The following ZC3H14 variants were observed in gnomAD, a reference collection of about 807,000 sequenced individuals.
The protein encoded by ZC3H14 is zinc finger CCCH domain-containing protein 14.
A neutral mutation model predicts 92.4 loss-of-function variants in ZC3H14; 31 were observed. The observed-to-expected ratio is 0.34, with a 90% CI of 0.25 to 0.45. The LOEUF (loss-of-function observed/expected upper bound fraction) is 0.45. ZC3H14 is among the 20% of genes least tolerant of loss of function. The pLI is 1.00. For missense variants in ZC3H14, 781 were observed against 897.3 expected, an observed-to-expected ratio of 0.87 and a Z score of 1.66; for synonymous variants, 321 against 300.9, an observed-to-expected ratio of 1.07 and a Z score of -0.69.
At position 88,623,607 on chromosome 14, in the gene ZC3H14, T is replaced by G. The variant is rs1304313200; in HGVS notation, c.*11856T>G. ...TTTTGTATTTTTAGTAGAGATGGAG[T>G]TTCACCATATTGGCCAGGCTGATCC... is the stretch of plus-strand genomic sequence containing the variant. On this transcript the variant is annotated 3_prime_UTR_variant, in exon 17 of 17. Transcript: ENST00000251038. 6.6e-6 allele frequency: 1 copy of G among 151,720 alleles called. No homozygotes were observed. Among genetic ancestry groups the G allele is most frequent in the Non-Finnish European group, 1.5e-5 (1 of 67,966 alleles). The allele number at this position is 151,720 out of a possible 1,614,324, so 9.4% of individuals were successfully genotyped here.
intron 4 of ZC3H14, 81 bp from the exon 5 acceptor site, chr14:88,571,949 C>A: frequency 8.5e-7 from 1 of 1,177,662 alleles, no homozygotes; most frequent in Non-Finnish European, 1.1e-6. Flanking sequence ...GGCGACAGAG[C>A]GAGACTCCAT....
rs74354260 is a variant in ZC3H14 at position 88,609,124 on chromosome 14, A to C, written c.1869-143A>C. The C allele has an allele frequency of 1.7e-3, 1,724 of 990,700 alleles. 8 individuals are homozygous for C. In the African/African-American group the frequency reaches 0.026, roughly 15 times the overall value. The allele number at this position is 990,700 out of a possible 1,614,324, so 61.4% of individuals were successfully genotyped here. A position where few individuals can be genotyped will look rare whatever the true frequency, so the allele number is the denominator to read the frequency against. On this transcript the variant is annotated intron_variant, in intron 13 of 16. Coordinates refer to ENST00000251038, the MANE Select transcript of ZC3H14 (RefSeq NM_024824.5). Reference sequence around the variant, plus strand: ...GTGTCCTATTTTGATATATGGTCTTATTTTAAAATATTCTTTTTGTTGCTG... The same window carrying C: ...GTGTCCTATTTTGATATATGGTCTTCTTTTAAAATATTCTTTTTGTTGCTG...
At chr14:88,595,095 T>C (rs781431978) in intron 9 of ZC3H14, 1 of 1,611,366 alleles carries the variant, frequency 6.2e-7, no homozygotes, top group East Asian at 2.2e-5. Flanking sequence ...TCGGCTTCCT[T>C]AGAAACGTTG....
rs2080945344 is a variant in ZC3H14 at position 88,574,785 on chromosome 14, T to A, written c.954T>A (p.Asp318Glu). 1 of 1,614,158 alleles carries A rather than the reference T, an allele frequency of 6.2e-7. No homozygotes were observed. Among genetic ancestry groups the A allele is most frequent in the South Asian group, 1.1e-5 (1 of 91,080 alleles). ...ATGATGGAGAAGAGGAGGAAGAAGA[T>A]GATGATTACGGGTCTCGAACAGGAA... Reference protein sequence around the residue: ...FNHDGEEEEEDDDYGSRTGSI... With the variant: ...FNHDGEEEEEEDDYGSRTGSI... The change falls in exon 7 of 17, where the codon GAT becomes GAA. Residue 318 changes from aspartate (D) to glutamate (E), a missense_variant. Transcript: ENST00000251038.
rs1330747911 is a variant in ZC3H14 at position 88,616,485 on chromosome 14, A to C, written c.*4734A>C. On this transcript the variant is annotated 3_prime_UTR_variant, in exon 17 of 17. Coordinates refer to ENST00000251038, the MANE Select transcript of ZC3H14 (RefSeq NM_024824.5). ...AAGGAAAAGCATTTGAAATTTGATA[A>C]CTGATTATAGGTTTGGTGAAAAGCT... 1.7e-6 allele frequency: 1 copy of C among 604,020 alleles called. No homozygotes were observed. The highest frequency in any genetic ancestry group is 2.9e-6 in the Non-Finnish European group (1 of 349,818). 37.4% of individuals were successfully genotyped at this position (604,020 alleles called of 1,614,324 possible).
At chr14:88,574,538 C>T in intron 6 of ZC3H14, 155 bp from the exon 7 acceptor site, 2 of 926,100 alleles carry the variant, frequency 2.2e-6, no homozygotes, top group Non-Finnish European at 3.3e-6. Flanking sequence ...CCACCACACC[C>T]AGCCTCATAT....
chr14:88,570,486 C>T (rs2080245508), intron 3 of ZC3H14, among the ~76,000 whole-genome samples: 1 of 152,104 alleles, frequency 6.6e-6, no homozygotes, highest in South Asian at 2.1e-4. Context: ...TTGTTTTAAC[C>T]TCTCAGAATT....
At chr14:88,608,900 A>G in intron 13 of ZC3H14, 1 of 255,844 alleles carries the variant, frequency 3.9e-6, no homozygotes, top group South Asian at 4.8e-5. Flanking sequence ...ACATATAAGG[A>G]GAGTATGGGA....
At chr14:88,586,637 A>G (rs1335492041) in intron 9 of ZC3H14, 1 of 152,140 alleles carries the variant, frequency 6.6e-6, no homozygotes, top group African/African-American at 2.4e-5. Context: ...CTGCAGTTTC[A>G]CTACGATGTG....
In ZC3H14 at chr14:88,568,154, G is replaced by A; in HGVS notation, c.194+1G>A. 6.2e-7 allele frequency: 1 copy of A among 1,613,306 alleles called. No individual in the cohort carries two copies. Among genetic ancestry groups the A allele is most frequent in the Non-Finnish European group, 8.5e-7 (1 of 1,179,370 alleles). ...ACAACACAATTCGATTCACCGTATG[G>A]TATGTTTCTGAATTTTTGTGCCTCA... On this transcript the variant is annotated splice_donor_variant, in intron 3 of 16. Transcript: ENST00000251038. LOFTEE classifies it high-confidence loss of function.
At chr14:88,575,741 A>C (rs2081078923) in intron 7 of ZC3H14, 99 bp from the exon 8 acceptor site, 2 of 1,004,686 alleles carry the variant, frequency 2.0e-6, no homozygotes, top group Admixed American at 2.1e-5. Flanking sequence ...TAGTCTGTTT[A>C]AAACCTAGAG....
intron 10 of ZC3H14, among the ~76,000 whole-genome samples, chr14:88,600,228 G>A (rs2084415876): frequency 6.6e-6 from 1 of 152,282 alleles, no homozygotes. Context: ...GGGGAAGGCG[G>A]GCACGCCCCT....
chr14:88,571,224 A>G, intron 4 of ZC3H14, 100 bp downstream of exon 4: 1 of 1,087,954 alleles, frequency 9.2e-7, no homozygotes, highest in South Asian at 1.7e-5. Context: ...ATCAATTTCA[A>G]AACGGTTCAT....
intron 2 of ZC3H14, 46 bp downstream of exon 2, chr14:88,563,739 A>T (rs747493565): frequency 1.3e-6 from 2 of 1,576,752 alleles, no homozygotes; most frequent in Non-Finnish European, 1.7e-6. Flanking sequence ...TAGAGTTTGC[A>T]GCTAATAGAA....
At chr14:88,581,542 C>T (rs973115118) in intron 9 of ZC3H14, among the ~76,000 whole-genome samples, 8 of 152,046 alleles carry the variant, frequency 5.3e-5, no homozygotes, top group African/African-American at 1.9e-4. Flanking sequence ...GCCTGGGCAA[C>T]AGAGTGAGAT....
rs1431637270 is a variant in ZC3H14, at chr14:88,592,525, G to C, written c.1280-4209G>C. 2 of 94,632 alleles carry C rather than the reference G, an allele frequency of 2.1e-5. 1 individual carries two copies. Among genetic ancestry groups the C allele is most frequent in the East Asian group, 8.2e-4 (2 of 2,440 alleles). 5.9% of individuals were successfully genotyped at this position (94,632 alleles called of 1,614,324 possible). A position where few individuals can be genotyped will look rare whatever the true frequency, so the allele number is the denominator to read the frequency against. ...TTTTTTTTTTTTTTTTTTTGAGACA[G>C]ATTCTCACTCTGTCACCCAGGCTGC... On this transcript the variant is annotated intron_variant, in intron 9 of 16. Transcript: ENST00000251038.
At chr14:88,583,918 A>G (rs1157664201) in intron 9 of ZC3H14, among the ~76,000 whole-genome samples, 6 of 152,170 alleles carry the variant, frequency 3.9e-5, no homozygotes, top group African/African-American at 1.2e-4. Flanking sequence ...GCCCAACATG[A>G]TGACAGATTT....
At chr14:88,563,190 G>T in intron 1 of ZC3H14, 21 bp downstream of exon 1, 1 of 1,602,404 alleles carries the variant, frequency 6.2e-7, no homozygotes. Flanking sequence ...TGCCGGTCGG[G>T]GGTGGGAAGC....
In ZC3H14 at chr14:88,602,998, AC is replaced by A; in HGVS notation, c.1688del (p.Pro563HisfsTer7). On this transcript the variant is annotated frameshift_variant, in exon 12 of 17. Coordinates refer to ENST00000251038, the MANE Select transcript of ZC3H14 (RefSeq NM_024824.5). LOFTEE classifies it high-confidence loss of function. ...ASNKGLRGLL[H>X]PQQLHLLSRQ... is the part of the protein sequence containing the mutation. Reference sequence around the variant, plus strand: ...AACAAGGGACTCAGAGGTCTCCTCCACCCACAGCAGTTGCACTTGCTGAGCA... The same window carrying A: ...AACAAGGGACTCAGAGGTCTCCTCCACCACAGCAGTTGCACTTGCTGAGCA... 1 of 1,614,170 alleles carries A rather than the reference AC, an allele frequency of 6.2e-7. No homozygotes were observed. The highest frequency in any genetic ancestry group is 1.1e-5 in the South Asian group (1 of 91,086).
Sources: allele counts gnomAD v4.1 joint callset (sites outside exome capture counted in the v4.1 genomes callset), GRCh38; gene constraint gnomAD v4.1.1; transcripts MANE v1.5; gene names NCBI Gene and HGNC (gene_info 2026-07-23, HGNC 2026-07-21).